Variants in DOK5 observed in about 807,000 individuals in gnomAD.
DOK5 encodes the protein downstream of tyrosine kinase 5.
In DOK5, 27 loss-of-function variants were observed where a neutral mutation model predicts 43.3. The ratio of observed to expected loss-of-function variants is 0.62; its 90% CI spans 0.46 to 0.86. The LOEUF (loss-of-function observed/expected upper bound fraction) is 0.86, where lower values mean the gene tolerates loss of function less well. DOK5 is among the 40% of genes least tolerant of loss of function. The pLI is 0.00. For missense variants in DOK5, 373 were observed against 392.9 expected (o/e 0.95, Z 0.43); for synonymous variants, 146 against 140.1 (o/e 1.04, Z -0.30).
intron 1 of DOK5, among the ~76,000 whole-genome samples, chr20:54,548,090 C>G (rs1202408335): frequency 6.6e-6 from 1 of 152,086 alleles, no homozygotes; most frequent in East Asian, 1.9e-4. Context: ...TAACCCCCCA[C>G]TAGAAAGAAT....
intron 5 of DOK5, among the ~76,000 whole-genome samples, chr20:54,605,289 A>T (rs565717421): frequency 3.3e-5 from 5 of 152,300 alleles, no homozygotes; most frequent in Admixed American, 2.6e-4. Context: ...TTTCAACCCC[A>T]TTAGTATTTT....
intron 1 of DOK5, among the ~76,000 whole-genome samples, chr20:54,488,208 G>A (rs1212617945): frequency 6.6e-6 from 1 of 152,198 alleles, no homozygotes; most frequent in Non-Finnish European, 1.5e-5. Context: ...ACGTAGTCTA[G>A]TCTTCAGCAT....
chr20:54,584,542 T>C (rs75522591), intron 2 of DOK5, among the ~76,000 whole-genome samples: 13,702 of 151,504 alleles, frequency 0.09, 1,855 homozygotes, highest in African/African-American at 0.3. Flanking sequence ...TATACTTTTA[T>C]CTTTTTACTT....
chr20:54,628,370 C>T (rs541056918), intron 6 of DOK5, among the ~76,000 whole-genome samples: 72 of 127,724 alleles, frequency 5.6e-4, no homozygotes, highest in Middle Eastern at 0.011. Context: ...GATCGCGCCA[C>T]TGCACTCCAG....
At chr20:54,631,232 G>T (rs1009475745) in intron 6 of DOK5, among the ~76,000 whole-genome samples, 7 of 152,106 alleles carry the variant, frequency 4.6e-5, no homozygotes, top group Non-Finnish European at 7.4e-5. Flanking sequence ...TGGCAACATG[G>T]CAAAACTCCA....
intron 5 of DOK5, among the ~76,000 whole-genome samples, chr20:54,595,451 G>A (rs910421149): frequency 6.6e-6 from 1 of 152,220 alleles, no homozygotes; most frequent in Non-Finnish European, 1.5e-5. Context: ...AATGGTGGAT[G>A]AAAAGATATA....
chr20:54,637,842 G>A (rs1245026599), intron 6 of DOK5, among the ~76,000 whole-genome samples: 1 of 152,194 alleles, frequency 6.6e-6, no homozygotes, highest in Non-Finnish European at 1.5e-5. Context: ...CCCTACTTTG[G>A]CCGGGCGCGG....
chr20:54,521,140 C>CCAT (rs1175032900), intron 1 of DOK5, among the ~76,000 whole-genome samples: 1 of 152,040 alleles, frequency 6.6e-6, no homozygotes, highest in African/African-American at 2.4e-5. Context: ...ATGGCACTTA[C>CCAT]CATCTGTTAT....
chr20:54,619,061 A>G (rs1448662946), intron 6 of DOK5, among the ~76,000 whole-genome samples: 1 of 123,722 alleles, frequency 8.1e-6, no homozygotes, highest in Non-Finnish European at 1.8e-5. Context: ...ATATATATAT[A>G]TATATATATA....
At chr20:54,530,382 G>A (rs1983729359) in intron 1 of DOK5, among the ~76,000 whole-genome samples, 1 of 152,168 alleles carries the variant, frequency 6.6e-6, no homozygotes, top group South Asian at 2.1e-4. Flanking sequence ...TGCATCTGTA[G>A]AGAGTCTACA....
At position 54,621,548 on chromosome 20, in the gene DOK5, G is replaced by C. The variant is rs972304302; in HGVS notation, c.735+11025G>C. Among the ~76,000 whole-genome samples the C allele has an allele frequency of 3.9e-5, 6 of 152,236 alleles. No individual in the cohort carries two copies. The South Asian group carries it at 1.0e-3, about 26-fold the overall frequency. Reference sequence around the variant, plus strand: ...CTCTACTAAAAATACAATTAGCCAGGCATGGTGGCAGGTGCCTGTAATCCC... The same window carrying C: ...CTCTACTAAAAATACAATTAGCCAGCCATGGTGGCAGGTGCCTGTAATCCC... On this transcript the variant is annotated intron_variant, in intron 6 of 7. Coordinates refer to ENST00000262593, the MANE Select transcript of DOK5 (RefSeq NM_018431.5).
chr20:54,489,594 CT>C (rs899956839), intron 1 of DOK5, among the ~76,000 whole-genome samples: 17 of 151,318 alleles, frequency 1.1e-4, no homozygotes, highest in Non-Finnish European at 1.8e-4. Flanking sequence ...TCCTTCCTTC[CT>C]TTTTTTTGTT....
At chr20:54,643,399 G>A in intron 6 of DOK5, 59 bp from the exon 7 acceptor site, 1 of 1,596,980 alleles carries the variant, frequency 6.3e-7, no homozygotes, top group Non-Finnish European at 8.5e-7. Flanking sequence ...TGTTTCCTCA[G>A]TCAGGCCACT....
intron 2 of DOK5, among the ~76,000 whole-genome samples, chr20:54,571,555 G>C (rs761049677): frequency 6.6e-6 from 1 of 151,810 alleles, no homozygotes; most frequent in East Asian, 1.9e-4. Context: ...CCTTGGCCTT[G>C]ACCAACCAGA....
At chr20:54,497,966 T>A (rs1356062700) in intron 1 of DOK5, among the ~76,000 whole-genome samples, 1 of 152,232 alleles carries the variant, frequency 6.6e-6, no homozygotes, top group East Asian at 1.9e-4. Context: ...AGTGAATCTA[T>A]TTAAGTTAAA....
At chr20:54,492,686 T>TTGTGTGTGTG (rs34741362) in intron 1 of DOK5, among the ~76,000 whole-genome samples, 79 of 141,178 alleles carry the variant, frequency 5.6e-4, no homozygotes, top group African/African-American at 1.8e-3. Flanking sequence ...GAGTGTGGCT[T>TTGTGTGTGTG]TGTGTGTGTG....
chr20:54,484,047 C>T (rs1248419826), intron 1 of DOK5, among the ~76,000 whole-genome samples: 3 of 152,104 alleles, frequency 2.0e-5, no homozygotes, highest in Admixed American at 2.0e-4. Context: ...CCTCCCTGCC[C>T]CAGCCTCTCC....
chr20:54,542,239 T>C (rs1485449940), intron 1 of DOK5, among the ~76,000 whole-genome samples: 1 of 152,134 alleles, frequency 6.6e-6, no homozygotes, highest in Non-Finnish European at 1.5e-5. Flanking sequence ...ACCTAAATAA[T>C]GCCTGGCACA....
At position 54,632,917 on chromosome 20, in the gene DOK5, A is replaced by T. The variant is rs550413380; in HGVS notation, c.736-10541A>T. On this transcript the variant is annotated intron_variant, in intron 6 of 7. Coordinates refer to ENST00000262593, the MANE Select transcript of DOK5 (RefSeq NM_018431.5). Reference sequence around the variant, plus strand: ...CATGGTAAAACCTCATCTCCACTAAAAATACAGAAATTAGCCAGGCGTGGT... The same window carrying T: ...CATGGTAAAACCTCATCTCCACTAATAATACAGAAATTAGCCAGGCGTGGT... Among the ~76,000 whole-genome samples, 6 of 152,172 alleles carry T rather than the reference A, an allele frequency of 3.9e-5. No homozygotes were observed. In the South Asian group the frequency reaches 1.2e-3, roughly 32 times the overall value.
Sources: allele counts gnomAD v4.1 joint callset (sites outside exome capture counted in the v4.1 genomes callset), GRCh38; gene constraint gnomAD v4.1.1; transcripts MANE v1.5; gene names NCBI Gene and HGNC (gene_info 2026-07-23, HGNC 2026-07-21).